SCARA3: variants seen among roughly 807,000 people sequenced by gnomAD.
SCARA3 encodes the protein cellular stress response gene protein.
SCARA3 carries 39 observed loss-of-function variants against 47.0 expected under a neutral mutation model. The ratio of observed to expected loss-of-function variants is 0.83; its 90% CI spans 0.64 to 1.08. The LOEUF (loss-of-function observed/expected upper bound fraction) is 1.08. Ranked by LOEUF, SCARA3 falls within the 50% of genes least tolerant of loss-of-function variation. SCARA3 has a pLI of 0.00. For synonymous variants in SCARA3, 356 were observed against 334.1 expected (o/e 1.07, Z -0.71); for missense variants, 724 against 792.3 (o/e 0.91, Z 1.04).
At chr8:27,638,038 C>T (rs1482784754) in intron 1 of SCARA3, among the ~76,000 whole-genome samples, 2 of 152,104 alleles carry the variant, frequency 1.3e-5, no homozygotes, top group Non-Finnish European at 2.9e-5. Flanking sequence ...GGCTCCAAAT[C>T]CTCAAACATC....
the SCARA3 span, among the ~76,000 whole-genome samples, chr8:27,705,995 T>C: frequency 6.6e-6 from 1 of 151,946 alleles, no homozygotes; most frequent in African/African-American, 2.4e-5. Context: ...GAGCTGGTGG[T>C]GAGAGAGAGC....
chr8:27,640,297 T>C (rs932377467), intron 1 of SCARA3, among the ~76,000 whole-genome samples: 9 of 152,362 alleles, frequency 5.9e-5, no homozygotes, highest in South Asian at 4.1e-4. Context: ...TGACAAAATG[T>C]AGATGAACAT....
downstream of SCARA3, among the ~76,000 whole-genome samples, chr8:27,677,292 C>T (rs1012791927): frequency 2.0e-5 from 3 of 152,272 alleles, no homozygotes; most frequent in East Asian, 1.9e-4. Context: ...GAAGAAGAAA[C>T]GGTGACTGGA....
At chr8:27,703,028 G>C in the SCARA3 span, 1 of 152,474 alleles carries the variant, frequency 6.6e-6, no homozygotes, top group Admixed American at 6.5e-5. Context: ...CCAGAGGCCA[G>C]CTGGCACCCA....
downstream of SCARA3, among the ~76,000 whole-genome samples, chr8:27,674,595 T>C (rs1337401284): frequency 1.3e-5 from 2 of 152,142 alleles, no homozygotes; most frequent in African/African-American, 4.8e-5. Flanking sequence ...TGAACCCACA[T>C]TGAGTGGTAA....
At chr8:27,694,601 T>G in the SCARA3 span, among the ~76,000 whole-genome samples, 1 of 151,946 alleles carries the variant, frequency 6.6e-6, no homozygotes, top group Non-Finnish European at 1.5e-5. Context: ...AGCAGGGAGT[T>G]GAGGAAATGG....
chr8:27,688,173 C>CTAATGAAAAATGATAAACAGAACAGGAT, the SCARA3 span, among the ~76,000 whole-genome samples: 1 of 152,094 alleles, frequency 6.6e-6, no homozygotes, highest in Non-Finnish European at 1.5e-5. Context: ...TTTGAGTATT[C>CTAATGAAAAATGATAAACAGAACAGGAT]TAATGAAAAA....
Position 27,651,515 on chromosome 8 carries a change from A to C in SCARA3, c.114A>C (p.Pro38=), listed in dbSNP as rs1220881312. 20 of 1,612,468 alleles carry C rather than the reference A, an allele frequency of 1.2e-5. No individual in the cohort carries two copies. Among genetic ancestry groups the C allele is most frequent in the Non-Finnish European group, 1.7e-5 (20 of 1,179,992 alleles). The change falls in exon 3 of 6, where the codon CCA becomes CCC. Residue 38 remains proline (P), a synonymous_variant. Transcript: ENST00000301904. ...PTFPCTQKGR[P]GPRCSRCQKN... is the part of the protein sequence containing the mutation. ...TCCTTGTGTCCCCCACAGGCCGGCC[A>C]GGGCCCCGCTGCAGCCGCTGCCAGA... is the stretch of plus-strand genomic sequence containing the variant.
At position 27,656,802 on chromosome 8, in the gene SCARA3, CT is replaced by C. The variant is rs764698449; in HGVS notation, c.248del (p.Leu83ProfsTer7). The C allele has an allele frequency of 6.2e-7, 1 of 1,611,872 alleles. No individual in the cohort carries two copies. Among genetic ancestry groups the C allele is most frequent in the Non-Finnish European group, 8.5e-7 (1 of 1,177,924 alleles). Reference protein sequence around the residue: ...ASLVFRKVDSLSEDISLTQSI... With the variant: ...ASLVFRKVDSXSEDISLTQSI... ...TACAGTTTTCAGAAAAGTGGACTCT[CT>C]CTCCGAAGACATCTCCTTGACCCAG... On this transcript the variant is annotated frameshift_variant, in exon 4 of 6. Coordinates refer to ENST00000301904, the MANE Select transcript of SCARA3 (RefSeq NM_016240.3). LOFTEE classifies it high-confidence loss of function.
chr8:27,719,213 G>C, the SCARA3 span, among the ~76,000 whole-genome samples: 1 of 152,198 alleles, frequency 6.6e-6, no homozygotes, highest in Non-Finnish European at 1.5e-5. Flanking sequence ...AAAAGAATGA[G>C]ATGATGTCCT....
the SCARA3 span, among the ~76,000 whole-genome samples, chr8:27,689,872 T>G: frequency 6.6e-6 from 1 of 152,142 alleles, no homozygotes; most frequent in Non-Finnish European, 1.5e-5. Flanking sequence ...GCTGGTAATC[T>G]TAGCACTTTG....
At chr8:27,692,688 A>G in the SCARA3 span, among the ~76,000 whole-genome samples, 4 of 152,146 alleles carry the variant, frequency 2.6e-5, no homozygotes, top group Admixed American at 2.0e-4. Context: ...AAAAATTACA[A>G]TCTATTCTCT....
Position 27,645,537 on chromosome 8 carries a change from T to C in SCARA3, c.8-4165T>C, listed in dbSNP as rs35439412. 7.9e-3 allele frequency among the ~76,000 whole-genome samples: 1,203 copies of C among 152,386 alleles called. 19 individuals carry two copies. The highest frequency in any genetic ancestry group is 0.023 in the East Asian group (120 of 5,188). On this transcript the variant is annotated intron_variant, in intron 1 of 5. Coordinates refer to ENST00000301904, the MANE Select transcript of SCARA3 (RefSeq NM_016240.3). ...GACACTCAAATGCGTGTTTGGATTC[T>C]GCCTCAGATTCTTGGATATTTAGGA... is the stretch of plus-strand genomic sequence containing the variant.
intron 1 of SCARA3, among the ~76,000 whole-genome samples, chr8:27,646,923 G>A (rs1202643243): frequency 7.1e-6 from 1 of 140,216 alleles, no homozygotes; most frequent in Non-Finnish European, 1.5e-5. Flanking sequence ...CTTCCTTGCT[G>A]TTCCCGCTTT....
chr8:27,657,313 A>G (rs1447472378), intron 4 of SCARA3, among the ~76,000 whole-genome samples: 2 of 150,612 alleles, frequency 1.3e-5, no homozygotes, highest in African/African-American at 2.5e-5. Context: ...ATCTATTTCC[A>G]TAATTTTAAC....
chr8:27,714,114 C>A, the SCARA3 span, among the ~76,000 whole-genome samples: 5 of 152,026 alleles, frequency 3.3e-5, no homozygotes, highest in African/African-American at 9.7e-5. Context: ...GATGCCAGTG[C>A]CATGCTTCCT....
intron 1 of SCARA3, among the ~76,000 whole-genome samples, chr8:27,644,845 C>T (rs939172070): frequency 2.0e-5 from 3 of 152,228 alleles, no homozygotes; most frequent in South Asian, 2.1e-4. Context: ...CAAGAACCAG[C>T]GCCTTACTTT....
chr8:27,679,330 A>G (rs769247816), downstream of SCARA3, among the ~76,000 whole-genome samples: 8 of 152,192 alleles, frequency 5.3e-5, no homozygotes, highest in Non-Finnish European at 1.0e-4. Flanking sequence ...TAAAGGGGAA[A>G]TCATCACTGT....
chr8:27,694,809 G>A, the SCARA3 span, among the ~76,000 whole-genome samples: 1 of 152,152 alleles, frequency 6.6e-6, no homozygotes, highest in African/African-American at 2.4e-5. Context: ...GCCTATAGGT[G>A]GCCTACTAGG....
Sources: gnomAD v4.1 joint callset for allele counts (sites outside exome capture counted in the v4.1 genomes callset) on GRCh38, gnomAD v4.1.1 for gene constraint, MANE v1.5 for transcripts, NCBI Gene and HGNC (gene_info 2026-07-23, HGNC 2026-07-21) for gene names.